The following TPO variants were observed in gnomAD, a reference collection of about 807,000 sequenced individuals.
TPO encodes thyroid peroxidase, also known as thyroid microsomal antigen.
TPO carries 78 observed loss-of-function variants against 96.9 expected under a neutral mutation model. That is an observed-to-expected ratio of 0.81 (90% CI 0.67 to 0.97). TPO has a LOEUF of 0.97. Among genes scored for constraint, TPO ranks in the 50% least tolerant of loss-of-function variants. The pLI is 0.00. For missense variants in TPO, 1,252 were observed against 1,274.8 expected (o/e 0.98, Z 0.27); for synonymous variants, 547 against 538.0 (o/e 1.02, Z -0.23).
In TPO at chr2:1,542,884, G is replaced by C; in HGVS notation, c.*410G>C. ...CCCTGCCCATCACCAGGTGTCCACA[G>C]GGCCTACATCTGGCTTCCCTCTTCT... On this transcript the variant is annotated 3_prime_UTR_variant, in exon 17 of 17. Transcript: ENST00000329066. 3.0e-6 allele frequency: 1 copy of C among 336,534 alleles called. No homozygotes were observed. The allele number at this position is 336,534 out of a possible 1,614,324, so 20.8% of individuals were successfully genotyped here.
rs1661799932 is a variant in TPO at position 1,380,896 on chromosome 2, G to A, written n.180+6494G>A. ...CCTCAGGAAGCTTCCAATCCTGGGG[G>A]AAGGCAGAGGGTAAGCAGGTGTCTC... On this transcript the variant is annotated intron_variant and non_coding_transcript_variant, in intron 1 of 5. Transcript: ENST00000497517. Among the ~76,000 whole-genome samples the A allele has an allele frequency of 3.3e-5, 5 of 152,308 alleles. No homozygotes were observed. The South Asian group carries it at 1.0e-3, about 32-fold the overall frequency.
intron 1 of TPO, among the ~76,000 whole-genome samples, chr2:1,400,891 T>C (rs899592007): frequency 1.3e-5 from 2 of 152,230 alleles, no homozygotes; most frequent in Non-Finnish European, 2.9e-5. Flanking sequence ...CTGGATTCCT[T>C]TCTAATCATG....
Position 1,542,763 on chromosome 2 carries a change from C to A in TPO, c.*289C>A. On this transcript the variant is annotated 3_prime_UTR_variant, in exon 17 of 17. Transcript: ENST00000329066. The stretch of plus-strand genomic sequence containing the variant: ...TTTTGTGAACCCTGGAAACACCACT[C>A]TTGCAATCCTCCTGTCTCCACCTTC... The A allele has an allele frequency of 2.6e-6, 2 of 756,258 alleles. No individual in the cohort carries two copies. The highest frequency in any genetic ancestry group is 4.1e-6 in the Non-Finnish European group (2 of 491,484). 46.8% of individuals were successfully genotyped at this position (756,258 alleles called of 1,614,324 possible).
intron 14 of TPO, chr2:1,512,594 T>A: frequency 1.8e-6 from 1 of 567,450 alleles, no homozygotes. Context: ...GCAGAACACG[T>A]CTTCCCGCTG....
intron 16 of TPO, chr2:1,541,103 A>T: frequency 8.3e-7 from 1 of 1,199,530 alleles, no homozygotes; most frequent in African/African-American, 1.6e-5. Context: ...GTGTGGAAAA[A>T]TGTGTATGTT....
At chr2:1,415,456 G>A (rs1417657448) in intron 2 of TPO, among the ~76,000 whole-genome samples, 16 of 139,948 alleles carry the variant, frequency 1.1e-4, no homozygotes, top group East Asian at 9.0e-4. Flanking sequence ...ACACAGTCCC[G>A]GGGCCCCTGG....
chr2:1,526,397 C>T (rs1293115855), intron 15 of TPO, among the ~76,000 whole-genome samples: 1 of 86,558 alleles, frequency 1.2e-5, no homozygotes, highest in Non-Finnish European at 2.2e-5. Flanking sequence ...CCAATGTGAG[C>T]AACCCCCCCA....
chr2:1,415,813 C>T (rs886732723), intron 2 of TPO, among the ~76,000 whole-genome samples: 2 of 152,212 alleles, frequency 1.3e-5, no homozygotes, highest in African/African-American at 4.8e-5. Context: ...CCCAGCCACA[C>T]CCAGCCCAGC....
intron 1 of TPO, among the ~76,000 whole-genome samples, chr2:1,403,954 T>C (rs1156516839): frequency 6.6e-6 from 1 of 152,230 alleles, no homozygotes. Flanking sequence ...GGCCTGTCTG[T>C]TACTGCATTA....
intron 7 of TPO, among the ~76,000 whole-genome samples, chr2:1,465,977 CA>C (rs1668859230): frequency 6.6e-6 from 1 of 152,190 alleles, no homozygotes; most frequent in Non-Finnish European, 1.5e-5. Context: ...TTCCCATTCT[CA>C]GAGGGAATGC....
chr2:1,438,399 A>G (rs1573184389), intron 5 of TPO, among the ~76,000 whole-genome samples: 1 of 152,166 alleles, frequency 6.6e-6, no homozygotes, highest in South Asian at 2.1e-4. Context: ...GGCCCGAAGC[A>G]CTTTCACCAG....
intron 13 of TPO, among the ~76,000 whole-genome samples, chr2:1,499,488 G>C (rs1029751442): frequency 6.6e-6 from 1 of 152,104 alleles, no homozygotes; most frequent in African/African-American, 2.4e-5. Context: ...GGCCTGTCTC[G>C]GCATGGTGCG....
At chr2:1,422,344 C>CTTCGTGCAGGCGCCTCTCCTAGACA (rs1558264301) in intron 2 of TPO, among the ~76,000 whole-genome samples, 1 of 77,520 alleles carries the variant, frequency 1.3e-5, no homozygotes, top group Admixed American at 1.2e-4. Context: ...TCTCCTGGAC[C>CTTCGTGCAGGCGCCTCTCCTAGACA]GACCTCGTGC....
intron 7 of TPO, among the ~76,000 whole-genome samples, chr2:1,468,184 A>G (rs1286467727): frequency 6.6e-6 from 1 of 151,908 alleles, no homozygotes; most frequent in Non-Finnish European, 1.5e-5. Context: ...ATTTACATTC[A>G]ATGTTAGTAC....
intron 14 of TPO, among the ~76,000 whole-genome samples, chr2:1,508,018 G>A (rs539694827): frequency 2.6e-5 from 4 of 152,022 alleles, no homozygotes; most frequent in Non-Finnish European, 5.9e-5. Flanking sequence ...GTTGGCTGTG[G>A]GTTTGTCATA....
In TPO at chr2:1,461,246, G is replaced by A. The variant is rs140041886; in HGVS notation, c.819+4964G>A. Among the ~76,000 whole-genome samples the A allele has an allele frequency of 4.9e-3, 752 of 152,218 alleles. 3 individuals are homozygous for A. Among genetic ancestry groups the A allele is most frequent in the African/African-American group, 0.017 (688 of 41,528 alleles). On this transcript the variant is annotated intron_variant, in intron 7 of 16. Transcript: ENST00000329066. ...TGGTTGTGGTGAGCCCCACACACCC[G>A]CCCCCAGAGGCTCCTTCCTCCACCC...
intron 1 of TPO, among the ~76,000 whole-genome samples, chr2:1,395,701 T>C (rs1201750788): frequency 6.6e-6 from 1 of 152,056 alleles, no homozygotes; most frequent in Non-Finnish European, 1.5e-5. Flanking sequence ...AATTGAATCA[T>C]GGGGGTGGGT....
intron 1 of TPO, among the ~76,000 whole-genome samples, chr2:1,400,449 C>T (rs938492285): frequency 6.6e-6 from 1 of 151,654 alleles, no homozygotes; most frequent in African/African-American, 2.4e-5. Flanking sequence ...GCTGAGATCA[C>T]ACCATTGTAC....
chr2:1,480,831 G>A (rs946694079), intron 8 of TPO, among the ~76,000 whole-genome samples: 1 of 70,234 alleles, frequency 1.4e-5, no homozygotes, highest in African/African-American at 4.2e-5. Context: ...CGTCCCTGCT[G>A]CTGCGTCTGT....
Sources: allele counts gnomAD v4.1 joint callset (sites outside exome capture counted in the v4.1 genomes callset), GRCh38; gene constraint gnomAD v4.1.1; transcripts MANE v1.5; gene names NCBI Gene and HGNC (gene_info 2026-07-23, HGNC 2026-07-21).